IQCH: variants seen among roughly 807,000 people sequenced by gnomAD.
The protein encoded by IQCH is IQ domain-containing protein H.
Under a neutral mutation model 117.0 loss-of-function variants are expected in IQCH, and 98 were observed. The ratio of observed to expected loss-of-function variants is 0.84; its 90% confidence interval spans 0.71 to 0.99. The LOEUF (loss-of-function observed/expected upper bound fraction) is 0.99, where lower values mean the gene tolerates loss of function less well. Among genes scored for constraint, IQCH ranks in the 50% least tolerant of loss-of-function variants. The pLI, the probability that IQCH is intolerant of heterozygous loss-of-function variation, is 0.00. For synonymous variants in IQCH, 412 were observed against 448.2 expected (o/e 0.92, Z 1.02); for missense variants, 1,102 against 1,243.8 (o/e 0.89, Z 1.72).
intron 3 of IQCH, among the ~76,000 whole-genome samples, chr15:67,273,817 C>T (rs978815545): frequency 6.6e-6 from 1 of 152,112 alleles, no homozygotes; most frequent in African/African-American, 2.4e-5. Flanking sequence ...TTCTTTCAGA[C>T]TGAATAACTC....
chr15:67,497,826 T>A (rs2083865007), intron 20 of IQCH, among the ~76,000 whole-genome samples: 1 of 152,064 alleles, frequency 6.6e-6, no homozygotes, highest in South Asian at 2.1e-4. Context: ...ATTTTTGCAG[T>A]GAAAACTATA....
intron 4 of IQCH, among the ~76,000 whole-genome samples, chr15:67,320,448 G>A (rs367574316): frequency 6.6e-6 from 1 of 152,088 alleles, no homozygotes; most frequent in East Asian, 1.9e-4. Context: ...CTTATGAAAT[G>A]TAATAGTCAT....
chr15:67,382,577 ACTT>A (rs1457642793), intron 10 of IQCH, among the ~76,000 whole-genome samples: 20 of 152,338 alleles, frequency 1.3e-4, no homozygotes, highest in African/African-American at 3.8e-4. Context: ...TCCCTTCTGG[ACTT>A]CTTCTCTGCT....
chr15:67,349,599 T>TC (rs1596235707), intron 6 of IQCH, among the ~76,000 whole-genome samples: 1 of 73,452 alleles, frequency 1.4e-5, no homozygotes, highest in Non-Finnish European at 2.5e-5. Flanking sequence ...AGAGCAAGAC[T>TC]CCATCTCAAA....
At chr15:67,434,413 CTTCT>C (rs1451271575) in intron 16 of IQCH, among the ~76,000 whole-genome samples, 1 of 152,088 alleles carries the variant, frequency 6.6e-6, no homozygotes. Context: ...ACAGAATTTC[CTTCT>C]TTTTTAAGGC....
At chr15:67,439,553 G>C (rs1468986124) in intron 16 of IQCH, among the ~76,000 whole-genome samples, 1 of 152,076 alleles carries the variant, frequency 6.6e-6, no homozygotes, top group Non-Finnish European at 1.5e-5. Flanking sequence ...ACCAAGATCA[G>C]AGCAGAACTA....
chr15:67,263,491 TA>T (rs963062551), intron 3 of IQCH, among the ~76,000 whole-genome samples: 9 of 151,394 alleles, frequency 5.9e-5, no homozygotes, highest in South Asian at 2.1e-4. Flanking sequence ...TTATGCAGAT[TA>T]AAAAAAAATA....
In IQCH at chr15:67,459,299, ATTTGATCTATAAATTAGT is replaced by A. The variant is rs1228022884; in HGVS notation, c.2506-5827_2506-5810del. The stretch of plus-strand genomic sequence containing the variant: ...AAATCCTGATTCTTCAGTGAGTGTT[ATTTGATCTATAAATTAGT>A]CTCTGAGTCCCATACGTGCCCTGAT... On this transcript the variant is annotated intron_variant, in intron 16 of 20. Coordinates refer to ENST00000335894, the MANE Select transcript of IQCH (RefSeq NM_001031715.3). The surrounding 1 kb of genome is among the most constrained non-coding windows in gnomAD (Gnocchi z 4.2). 6.6e-6 allele frequency among the ~76,000 whole-genome samples: 1 copy of A among 152,196 alleles called. No homozygotes were observed. The highest frequency in any genetic ancestry group is 1.5e-5 in the Non-Finnish European group (1 of 68,046).
In IQCH at chr15:67,385,126, C is replaced by A; in HGVS notation, c.1456+107C>A. Reference sequence around the variant, plus strand: ...GTTTTTTGCTTATTTTTTTCCTCTACAAGGAAAAAGCTCAGATGTTTAATC... The same window carrying A: ...GTTTTTTGCTTATTTTTTTCCTCTAAAAGGAAAAAGCTCAGATGTTTAATC... On this transcript the variant is annotated intron_variant, in intron 11 of 20. Transcript: ENST00000335894. This position sits in a 1 kb window ranked among gnomAD's most constrained non-coding sequence, Gnocchi z 4.6. 1 of 666,630 alleles carries A rather than the reference C, an allele frequency of 1.5e-6. No homozygotes were observed. The highest frequency in any genetic ancestry group is 2.6e-6 in the Non-Finnish European group (1 of 386,290). 41.3% of individuals were successfully genotyped at this position (666,630 alleles called of 1,614,324 possible). A position where few individuals can be genotyped will look rare whatever the true frequency, so the allele number is the denominator to read the frequency against.
chr15:67,270,364 T>A (rs1965849718), intron 3 of IQCH, among the ~76,000 whole-genome samples: 1 of 152,232 alleles, frequency 6.6e-6, no homozygotes, highest in South Asian at 2.1e-4. Context: ...GTTTGTCATA[T>A]ATGGCATTTA....
chr15:67,261,190 T>C (rs984892122), intron 1 of IQCH, 82 bp from the exon 2 acceptor site: 1 of 991,868 alleles, frequency 1.0e-6, no homozygotes, highest in African/African-American at 1.7e-5. Flanking sequence ...TTCAAGTACA[T>C]TGCAAACCTT....
At chr15:67,421,693 G>T in intron 16 of IQCH, 116 bp downstream of exon 16, 2 of 1,073,400 alleles carry the variant, frequency 1.9e-6, no homozygotes, top group East Asian at 2.5e-5. Context: ...ATTCTCTGAT[G>T]AACTTGCTCT....
rs57244130 is a variant in IQCH at position 67,340,426 on chromosome 15, C to CAAAAAAAAAAAAA, written c.508+3357_508+3369dup. On this transcript the variant is annotated intron_variant, in intron 5 of 20. Coordinates refer to ENST00000335894, the MANE Select transcript of IQCH (RefSeq NM_001031715.3). ...TGGGCAACAGAGAGATACTCCATCTCAAAAAAAAAAAAAAAAAAAAAAAAA... is the reference window on the plus strand; with the variant it reads ...TGGGCAACAGAGAGATACTCCATCTCAAAAAAAAAAAAAAAAAAAAAAAAAAAAAAAAAAAAAA... Among the ~76,000 whole-genome samples the CAAAAAAAAAAAAA allele has an allele frequency of 6.1e-4, 38 of 62,656 alleles. 4 individuals are homozygous for CAAAAAAAAAAAAA. Among genetic ancestry groups the CAAAAAAAAAAAAA allele is most frequent in the East Asian group, 9.5e-4 (1 of 1,058 alleles). The allele number at this position is 62,656 out of a possible 152,430, so 41.1% of individuals were successfully genotyped here. A position where few individuals can be genotyped will look rare whatever the true frequency, so the allele number is the denominator to read the frequency against.
intron 10 of IQCH, among the ~76,000 whole-genome samples, chr15:67,375,316 C>T (rs1488936726): frequency 6.6e-6 from 1 of 152,040 alleles, no homozygotes; most frequent in Non-Finnish European, 1.5e-5. Context: ...AGTCCTTCTA[C>T]TGGGAAGGCT....
At position 67,369,328 on chromosome 15, in the gene IQCH, C is replaced by G. The variant is rs940268664; in HGVS notation, c.754-2783C>G. On this transcript the variant is annotated intron_variant, in intron 8 of 20. Transcript: ENST00000335894. The surrounding 1 kb of genome is among the most constrained non-coding windows in gnomAD (Gnocchi z 5.2). ...GGCCAATTAGTGAATACAGGCATCT[C>G]GCAAAGGTATGATTGTGACCCAAGA... 1.3e-5 allele frequency among the ~76,000 whole-genome samples: 2 copies of G among 151,992 alleles called. No individual in the cohort carries two copies. The highest frequency in any genetic ancestry group is 1.3e-4 in the Admixed American group (2 of 15,260).
In IQCH at chr15:67,443,714, G is replaced by T. The variant is rs2082332626; in HGVS notation, c.2506-21413G>T. Among the ~76,000 whole-genome samples the T allele has an allele frequency of 6.6e-6, 1 of 152,086 alleles. No homozygotes were observed. The highest frequency in any genetic ancestry group is 2.1e-4 in the South Asian group (1 of 4,826). ...ATATTTCAAAGTCCAGCTCATCATG[G>T]ATTCCCCCTTAAAGTGCCACTTCAT... On this transcript the variant is annotated intron_variant, in intron 16 of 20. Transcript: ENST00000335894. This position sits in a 1 kb window ranked among gnomAD's most constrained non-coding sequence, Gnocchi z 5.0.
rs71142373 is a variant in IQCH at position 67,358,207 on chromosome 15, C to CTTTT, written c.714+798_714+801dup. Among the ~76,000 whole-genome samples, 15 of 10,452 alleles carry CTTTT rather than the reference C, an allele frequency of 1.4e-3. 3 individuals carry two copies. Among genetic ancestry groups the CTTTT allele is most frequent in the African/African-American group, 4.1e-3 (12 of 2,910 alleles). The allele number at this position is 10,452 out of a possible 152,430, so 6.9% of individuals were successfully genotyped here. On this transcript the variant is annotated intron_variant, in intron 7 of 20. Coordinates refer to ENST00000335894, the MANE Select transcript of IQCH (RefSeq NM_001031715.3). ...TAACCATCATGAGGCACTTTCTTTT[C>CTTTT]TTTTTTTTTTTTTTTGAGATGGAGT...
rs1417345364 is a variant in IQCH at position 67,365,778 on chromosome 15, AAGTT to A, written c.753+5896_753+5899del. The stretch of plus-strand genomic sequence containing the variant: ...AACCCTATCTCTACTAAAAATATAA[AAGTT>A]AGCCGGGTGTGGTGGCGCGTGCCTG... On this transcript the variant is annotated intron_variant, in intron 8 of 20. Transcript: ENST00000335894. This position sits in a 1 kb window ranked among gnomAD's most constrained non-coding sequence, Gnocchi z 4.4. Among the ~76,000 whole-genome samples the A allele has an allele frequency of 2.6e-5, 4 of 152,126 alleles. No individual in the cohort carries two copies. The highest frequency in any genetic ancestry group is 4.8e-5 in the African/African-American group (2 of 41,418).
At chr15:67,414,495 C>T (rs568560585) in intron 14 of IQCH, among the ~76,000 whole-genome samples, 7 of 151,926 alleles carry the variant, frequency 4.6e-5, no homozygotes, top group Non-Finnish European at 7.4e-5. Context: ...AGTGAGGCCA[C>T]ATTAGGAGCC....
Sources: gnomAD v4.1 joint callset for allele counts (sites outside exome capture counted in the v4.1 genomes callset) on GRCh38, gnomAD v4.1.1 for gene constraint, Gnocchi (gnomAD v3.1) non-coding constraint, MANE v1.5 for transcripts, NCBI Gene and HGNC (gene_info 2026-07-23, HGNC 2026-07-21) for gene names.